Variants in SCYL3 observed in about 807,000 individuals in gnomAD.
SCYL3 encodes SCY1 like pseudokinase 3.
Under a neutral mutation model 73.8 loss-of-function variants are expected in SCYL3, and 35 were observed. The observed-to-expected ratio is 0.47, with a 90% CI of 0.36 to 0.63. The LOEUF is 0.63. SCYL3 is among the 20% of genes least tolerant of loss of function. The pLI, the probability that SCYL3 is intolerant of heterozygous loss-of-function variation, is 0.00. For missense variants in SCYL3, 712 were observed against 798.9 expected (o/e 0.89, Z 1.31); for synonymous variants, 277 against 295.2 (o/e 0.94, Z 0.63).
At chr1:169,867,016 G>A in intron 7 of SCYL3, 43 bp from the exon 8 acceptor site, 1 of 1,126,898 alleles carries the variant, frequency 8.9e-7, no homozygotes. Flanking sequence ...ACAGATTAGA[G>A]AATGTTAAAT....
Position 169,851,672 on chromosome 1 carries a change from TAA to T in SCYL3, c.*2039_*2040del. On this transcript the variant is annotated 3_prime_UTR_variant, in exon 13 of 13. Transcript: ENST00000367771. ...TAGAGTGATTTAATCCAGATTATAC[TAA>T]GAGTATTTATAGATCAGTCCATGTG... 1.1e-6 allele frequency: 1 copy of T among 875,834 alleles called. No homozygotes were observed. The highest frequency in any genetic ancestry group is 1.8e-6 in the Non-Finnish European group (1 of 565,608). 54.3% of individuals were successfully genotyped at this position (875,834 alleles called of 1,614,324 possible). A position where few individuals can be genotyped will look rare whatever the true frequency, so the allele number is the denominator to read the frequency against.
intron 2 of SCYL3, among the ~76,000 whole-genome samples, chr1:169,880,803 C>T (rs1009191096): frequency 6.7e-6 from 1 of 150,290 alleles, no homozygotes; most frequent in Non-Finnish European, 1.5e-5. Context: ...ACTCTATCTC[C>T]TAGGTTGGAG....
intron 12 of SCYL3, 109 bp from the exon 13 acceptor site, chr1:169,853,881 ACACTAC>A: frequency 1.6e-6 from 2 of 1,223,254 alleles, no homozygotes; most frequent in South Asian, 2.5e-5. Flanking sequence ...GATGCCAGAA[ACACTAC>A]CTCGTACTAA....
chr1:169,878,556 A>T, intron 3 of SCYL3, 78 bp downstream of exon 3: 1 of 1,174,248 alleles, frequency 8.5e-7, no homozygotes, highest in South Asian at 1.6e-5. Flanking sequence ...ACCATAATTT[A>T]TAAGTATTAC....
Position 169,881,701 on chromosome 1 carries a change from T to G in SCYL3, c.166-2882A>C, listed in dbSNP as rs115219445. On this transcript the variant is annotated intron_variant, in intron 2 of 12. Transcript: ENST00000367771. ...TGAGATCTTGTGGTGTGTGTCTTTC[T>G]GTGCCTCATTTACATCACTTAACAC... Among the ~76,000 whole-genome samples the G allele has an allele frequency of 2.0e-5, 3 of 152,348 alleles. No individual in the cohort carries two copies. In the East Asian group the frequency reaches 5.8e-4, roughly 29 times the overall value.
At chr1:169,870,541 T>C (rs1465625397) in intron 5 of SCYL3, among the ~76,000 whole-genome samples, 184 bp from the exon 6 acceptor site, 1 of 152,206 alleles carries the variant, frequency 6.6e-6, no homozygotes, top group Non-Finnish European at 1.5e-5. Context: ...TTGTAAAACA[T>C]TAAAATGAGC....
At chr1:169,865,246 A>G (rs1659959317) in intron 8 of SCYL3, among the ~76,000 whole-genome samples, 1 of 152,196 alleles carries the variant, frequency 6.6e-6, no homozygotes, top group Non-Finnish European at 1.5e-5. Context: ...AGAAATACAG[A>G]TATTAGGTAT....
At chr1:169,876,782 C>T (rs753771733) in intron 3 of SCYL3, among the ~76,000 whole-genome samples, 2 of 151,710 alleles carry the variant, frequency 1.3e-5, no homozygotes, top group Admixed American at 6.6e-5. Context: ...GGTGAAACCG[C>T]GTCTCTACGA....
chr1:169,852,534 C>G lies in SCYL3; in HGVS notation c.*1179G>C. ...ACTATGCAGCACTTCTCATTGGGAG[C>G]CCTTTGGGACAGGATACTTGTTGTA... On this transcript the variant is annotated 3_prime_UTR_variant, in exon 13 of 13. Coordinates refer to ENST00000367771, the MANE Select transcript of SCYL3 (RefSeq NM_020423.7). 1 of 476,422 alleles carries G rather than the reference C, an allele frequency of 2.1e-6. No individual in the cohort carries two copies. Among genetic ancestry groups the G allele is most frequent in the Non-Finnish European group, 3.7e-6 (1 of 268,022 alleles). 29.5% of individuals were successfully genotyped at this position (476,422 alleles called of 1,614,324 possible). A position where few individuals can be genotyped will look rare whatever the true frequency, so the allele number is the denominator to read the frequency against.
Position 169,850,200 on chromosome 1 carries a change from C to T in SCYL3, c.*3513G>A. 9.4e-7 allele frequency: 1 copy of T among 1,068,984 alleles called. No homozygotes were observed. Among genetic ancestry groups the T allele is most frequent in the Non-Finnish European group, 1.4e-6 (1 of 705,340 alleles). The allele number at this position is 1,068,984 out of a possible 1,614,324, so 66.2% of individuals were successfully genotyped here. ...TTTGGTTAAGGTAGCTCATAAAACT[C>T]ATCTATTTGTCTTTGCAAGTTGTTG... On this transcript the variant is annotated 3_prime_UTR_variant, in exon 13 of 13. Transcript: ENST00000367771.
chr1:169,889,059 AT>A (rs1431218959), intron 1 of SCYL3, among the ~76,000 whole-genome samples, 169 bp from the exon 2 acceptor site: 1 of 152,230 alleles, frequency 6.6e-6, no homozygotes, highest in African/African-American at 2.4e-5. Flanking sequence ...ATGGTTGTTA[AT>A]TAACAACTAA....
chr1:169,893,721 G>T (rs892917190), intron 1 of SCYL3, 67 bp downstream of exon 1: 1 of 151,608 alleles, frequency 6.6e-6, no homozygotes, highest in African/African-American at 2.4e-5. Context: ...CCTCCTCCCC[G>T]CCCGGCCCCT....
intron 10 of SCYL3, among the ~76,000 whole-genome samples, chr1:169,860,996 CTT>C (rs1252871764): frequency 1.3e-5 from 2 of 152,228 alleles, no homozygotes; most frequent in Non-Finnish European, 2.9e-5. Flanking sequence ...AACATTTACT[CTT>C]TGACCTCAGT....
At chr1:169,855,935 G>A in intron 11 of SCYL3, 1 of 1,613,586 alleles carries the variant, frequency 6.2e-7, no homozygotes, top group Non-Finnish European at 8.5e-7. Flanking sequence ...TGTGATGGCT[G>A]CAGACGACAC....
At chr1:169,856,113 T>TA (rs1301096860) in intron 11 of SCYL3, among the ~76,000 whole-genome samples, 4 of 152,196 alleles carry the variant, frequency 2.6e-5, no homozygotes, top group African/African-American at 9.6e-5. Context: ...TTTGAAGACA[T>TA]ACACCCATTA....
intron 2 of SCYL3, among the ~76,000 whole-genome samples, chr1:169,883,714 A>ATTT (rs11311295): frequency 8.0e-5 from 8 of 100,080 alleles, no homozygotes; most frequent in South Asian, 3.7e-4. Context: ...CTCCAATTAC[A>ATTT]TTTTTTTTTT....
intron 1 of SCYL3, among the ~76,000 whole-genome samples, chr1:169,892,027 C>G (rs1235033776): frequency 6.6e-6 from 1 of 152,072 alleles, no homozygotes. Flanking sequence ...GAAAGGATGC[C>G]ATTTTCTTGT....
Position 169,854,567 on chromosome 1 carries a change from G to C in SCYL3, c.1710C>G (p.Ser570Arg), listed in dbSNP as rs1364243515. The C allele has an allele frequency of 6.2e-7, 1 of 1,613,746 alleles. No homozygotes were observed. The highest frequency in any genetic ancestry group is 1.7e-5 in the Admixed American group (1 of 59,950). ...PWKSSLPQKI[S>R]LVQRGDDADQ... The stretch of plus-strand genomic sequence containing the variant: ...CTGCGTCATCCCCCCTTTGTACAAG[G>C]CTAATCTTTTGGGGTAAGCTTGATT... Residue 570 changes from serine to arginine, a missense_variant, in exon 12 of 13, where the codon AGC becomes AGG. Physicochemically the swap from Ser to Arg is moderately radical, Grantham distance 110. Transcript: ENST00000367771.
At chr1:169,861,340 C>G (rs2102147777) in intron 10 of SCYL3, among the ~76,000 whole-genome samples, 1 of 152,178 alleles carries the variant, frequency 6.6e-6, no homozygotes, top group East Asian at 1.9e-4. Context: ...TTAGCCCTGG[C>G]CAGCCATTTA....
Sources: allele counts gnomAD v4.1 joint callset (sites outside exome capture counted in the v4.1 genomes callset), GRCh38; gene constraint gnomAD v4.1.1; transcripts MANE v1.5; gene names NCBI Gene and HGNC (gene_info 2026-07-23, HGNC 2026-07-21).